The following PABPC4L variants were observed in gnomAD, a reference collection of about 807,000 sequenced individuals.
PABPC4L encodes the protein polyadenylate-binding protein 4-like.
For missense variants in PABPC4L, 452 were observed against 451.4 expected (o/e 1.00, Z -0.01); for synonymous variants, 169 against 164.1 (o/e 1.03, Z -0.23).
At position 134,201,113 on chromosome 4, in the gene PABPC4L, T is replaced by A; in HGVS notation, c.-94A>T. ...GGTCACAGCTTTGGCCCGGTTCAAG[T>A]GTGGAGGCCTCGGGATCACCACACA... On this transcript the variant is annotated 5_prime_UTR_variant, in exon 2 of 2. Transcript: ENST00000421491. The A allele has an allele frequency of 6.4e-7, 1 of 1,550,616 alleles. No homozygotes were observed. The highest frequency in any genetic ancestry group is 8.7e-7 in the Non-Finnish European group (1 of 1,146,864).
At chr4:134,001,462 G>C in the PABPC4L span, among the ~76,000 whole-genome samples, 5 of 152,160 alleles carry the variant, frequency 3.3e-5, no homozygotes, top group African/African-American at 9.6e-5. Context: ...CTTGAGCAAT[G>C]TTTTATCATC....
the PABPC4L span, among the ~76,000 whole-genome samples, chr4:134,143,581 A>G: frequency 6.6e-6 from 1 of 150,926 alleles, no homozygotes; most frequent in Non-Finnish European, 1.5e-5. Context: ...TTCTTCTAAT[A>G]CATGAGCATA....
chr4:134,107,126 T>A, the PABPC4L span, among the ~76,000 whole-genome samples: 4 of 151,278 alleles, frequency 2.6e-5, no homozygotes, highest in African/African-American at 9.7e-5. Flanking sequence ...CTTCTAAATT[T>A]TTTTTTCCTT....
chr4:134,177,321 G>T, the PABPC4L span, among the ~76,000 whole-genome samples: 2 of 151,620 alleles, frequency 1.3e-5, no homozygotes, highest in Non-Finnish European at 2.9e-5. Context: ...GACTACAGGT[G>T]CATGCCACCA....
At chr4:134,091,296 G>T in the PABPC4L span, among the ~76,000 whole-genome samples, 1 of 151,468 alleles carries the variant, frequency 6.6e-6, no homozygotes, top group African/African-American at 2.4e-5. Flanking sequence ...TATTCTAATG[G>T]GCAGTTTTTT....
the PABPC4L span, among the ~76,000 whole-genome samples, chr4:134,002,066 A>C: frequency 2.0e-5 from 3 of 152,112 alleles, no homozygotes; most frequent in Non-Finnish European, 2.9e-5. Context: ...TTGGTGTTTC[A>C]ATAAATCTTC....
the PABPC4L span, among the ~76,000 whole-genome samples, chr4:133,978,288 T>C: frequency 2.6e-5 from 4 of 152,116 alleles, no homozygotes; most frequent in African/African-American, 9.7e-5. Context: ...GAGTTCAGAA[T>C]GGGTAGTAGA....
At chr4:133,965,690 A>G in the PABPC4L span, among the ~76,000 whole-genome samples, 1 of 152,138 alleles carries the variant, frequency 6.6e-6, no homozygotes, top group East Asian at 1.9e-4. Flanking sequence ...GATCTTTGAC[A>G]AAACAAACAA....
the PABPC4L span, among the ~76,000 whole-genome samples, chr4:133,960,267 G>T: frequency 6.6e-6 from 1 of 152,222 alleles, no homozygotes; most frequent in East Asian, 1.9e-4. Context: ...GCAGAAGTGG[G>T]AAAGGAAGTT....
the PABPC4L span, among the ~76,000 whole-genome samples, chr4:134,032,380 A>G: frequency 1.3e-5 from 2 of 151,854 alleles, no homozygotes; most frequent in Admixed American, 6.6e-5. Flanking sequence ...AAGCAGGGAG[A>G]GAATTGTGAT....
At chr4:134,156,244 TAAG>T in the PABPC4L span, among the ~76,000 whole-genome samples, 3 of 152,006 alleles carry the variant, frequency 2.0e-5, no homozygotes, top group Admixed American at 6.5e-5. Context: ...CACAGCCTGT[TAAG>T]AAGAAGTATA....
the PABPC4L span, among the ~76,000 whole-genome samples, chr4:134,090,462 A>G: frequency 2.6e-5 from 4 of 152,076 alleles, no homozygotes; most frequent in Non-Finnish European, 4.4e-5. Flanking sequence ...TCTCAGCACT[A>G]TTCATTAAAA....
the PABPC4L span, among the ~76,000 whole-genome samples, chr4:134,008,694 C>T: frequency 1.3e-5 from 2 of 151,736 alleles, no homozygotes; most frequent in Non-Finnish European, 3.0e-5. Context: ...AGGAAAATTA[C>T]TTGGAAGTAT....
At chr4:134,118,678 T>C in the PABPC4L span, among the ~76,000 whole-genome samples, 2 of 151,848 alleles carry the variant, frequency 1.3e-5, no homozygotes, top group African/African-American at 4.8e-5. Flanking sequence ...ATTTTATTTG[T>C]TGGCATTAGA....
chr4:133,987,655 T>A, the PABPC4L span, among the ~76,000 whole-genome samples: 1 of 152,140 alleles, frequency 6.6e-6, no homozygotes, highest in East Asian at 1.9e-4. Context: ...TTAAAAAGAA[T>A]ACAAACATAG....
chr4:134,044,511 G>A, the PABPC4L span, among the ~76,000 whole-genome samples: 3 of 151,850 alleles, frequency 2.0e-5, no homozygotes, highest in African/African-American at 4.8e-5. Context: ...TGATCCACCC[G>A]CCTCAGCCTC....
chr4:133,992,228 T>C, the PABPC4L span, among the ~76,000 whole-genome samples: 307 of 152,300 alleles, frequency 2.0e-3, 2 homozygotes, highest in African/African-American at 6.6e-3. Context: ...GTCTAAGATG[T>C]TATAATTGCC....
chr4:133,950,024 C>T, the PABPC4L span, among the ~76,000 whole-genome samples: 1 of 152,098 alleles, frequency 6.6e-6, no homozygotes, highest in East Asian at 1.9e-4. Flanking sequence ...GATGAGTTTG[C>T]TAATATGCCC....
the PABPC4L span, among the ~76,000 whole-genome samples, chr4:133,982,700 G>C: frequency 6.6e-5 from 10 of 151,964 alleles, no homozygotes; most frequent in African/African-American, 2.4e-4. Flanking sequence ...CAATCCACAA[G>C]CAAGCAAAAT....
Sources: gnomAD v4.1 joint callset for allele counts (sites outside exome capture counted in the v4.1 genomes callset) on GRCh38, gnomAD v4.1.1 for gene constraint, MANE v1.5 for transcripts, NCBI Gene and HGNC (gene_info 2026-07-23, HGNC 2026-07-21) for gene names.